The following RALGPS1 variants were observed in gnomAD, a reference collection of about 807,000 sequenced individuals.
The protein encoded by RALGPS1 is Ral GEF with PH domain and SH3 binding motif 1.
A neutral mutation model predicts 78.8 loss-of-function variants in RALGPS1; 19 were observed. The ratio of observed to expected loss-of-function variants is 0.24; its 90% CI spans 0.17 to 0.35. The LOEUF (loss-of-function observed/expected upper bound fraction) is 0.35, where lower values mean the gene tolerates loss of function less well. RALGPS1 is among the 10% of genes least tolerant of loss of function. The probability of loss-of-function intolerance (pLI) is 1.00; values close to 1 mark genes in which losing one functional copy is unlikely to be tolerated. For missense variants in RALGPS1, 454 were observed against 688.3 expected (o/e 0.66, Z 3.81); for synonymous variants, 228 against 256.3 (o/e 0.89, Z 1.06).
intron 4 of RALGPS1, among the ~76,000 whole-genome samples, chr9:127,024,173 C>G (rs189857764): frequency 1.2e-4 from 18 of 151,574 alleles, no homozygotes; most frequent in Non-Finnish European, 2.4e-4. Context: ...AGTATTTACT[C>G]AACTTCAAAA....
intron 5 of RALGPS1, among the ~76,000 whole-genome samples, chr9:127,042,178 A>T (rs1231013344): frequency 6.6e-6 from 1 of 151,946 alleles, no homozygotes; most frequent in East Asian, 1.9e-4. Context: ...GTCCATAACT[A>T]TTCTGTTTTT....
chr9:126,994,547 C>T (rs201838953), intron 4 of RALGPS1, among the ~76,000 whole-genome samples: 4 of 152,124 alleles, frequency 2.6e-5, no homozygotes, highest in African/African-American at 7.2e-5. Flanking sequence ...ACCAAATCTA[C>T]GTCTGATTGG....
In RALGPS1 at chr9:127,178,021, G is replaced by C; in HGVS notation, c.910+3239G>C. 2.6e-6 allele frequency: 4 copies of C among 1,520,186 alleles called. No individual in the cohort carries two copies. The South Asian group carries it at 4.8e-5, about 18-fold the overall frequency. 94.2% of individuals were successfully genotyped at this position (1,520,186 alleles called of 1,614,324 possible). A position where few individuals can be genotyped will look rare whatever the true frequency, so the allele number is the denominator to read the frequency against. On this transcript the variant is annotated intron_variant, in intron 11 of 18. Transcript: ENST00000259351. Reference sequence around the variant, plus strand: ...ATGAACAGAACCAATAAAGCATGGCGAGGCACCCATGGGCCGGCCCAGGGT... The same window carrying C: ...ATGAACAGAACCAATAAAGCATGGCCAGGCACCCATGGGCCGGCCCAGGGT...
chr9:127,013,363 G>A (rs2044527394), intron 4 of RALGPS1, among the ~76,000 whole-genome samples: 1 of 152,128 alleles, frequency 6.6e-6, no homozygotes, highest in Admixed American at 6.5e-5. Flanking sequence ...AGGTGCCATA[G>A]TCACAGCATG....
At chr9:126,956,141 T>C (rs2038312316) in intron 1 of RALGPS1, among the ~76,000 whole-genome samples, 1 of 152,172 alleles carries the variant, frequency 6.6e-6, no homozygotes, top group South Asian at 2.1e-4. Context: ...CTCAGGGTCC[T>C]GAGTTCCTAG....
chr9:126,977,430 C>G (rs1269847149), intron 3 of RALGPS1, among the ~76,000 whole-genome samples: 1 of 152,070 alleles, frequency 6.6e-6, no homozygotes, highest in East Asian at 1.9e-4. Flanking sequence ...CCCAGGCCCA[C>G]CCCCCAAACA....
chr9:127,136,655 G>A (rs1564645828), intron 8 of RALGPS1, among the ~76,000 whole-genome samples: 1 of 152,024 alleles, frequency 6.6e-6, no homozygotes, highest in African/African-American at 2.4e-5. Flanking sequence ...CTCAGCCCTG[G>A]CCCCCCCAGA....
chr9:126,930,946 A>C (rs923054580), intron 1 of RALGPS1, among the ~76,000 whole-genome samples: 1 of 152,248 alleles, frequency 6.6e-6, no homozygotes, highest in Non-Finnish European at 1.5e-5. Flanking sequence ...GAGCCACTTT[A>C]GGTTGTGCTA....
chr9:127,091,581 C>T lies in RALGPS1; in HGVS notation c.610+22225C>T, dbSNP rs2052480166. On this transcript the variant is annotated intron_variant, in intron 8 of 18. Coordinates refer to ENST00000259351, the MANE Select transcript of RALGPS1 (RefSeq NM_014636.3). This position sits in a 1 kb window ranked among gnomAD's most constrained non-coding sequence, Gnocchi z 4.3. ...CAGCTGCTTCTCACCCTGGGATCTT[C>T]CCGTTTCCAAGCCCTGGAGTCAGGG... is the stretch of plus-strand genomic sequence containing the variant. The T allele has an allele frequency of 2.6e-6, 4 of 1,518,020 alleles. No individual in the cohort carries two copies. Among genetic ancestry groups the T allele is most frequent in the Non-Finnish European group, 3.5e-6 (4 of 1,130,366 alleles). The allele number at this position is 1,518,020 out of a possible 1,614,324, so 94.0% of individuals were successfully genotyped here. A position where few individuals can be genotyped will look rare whatever the true frequency, so the allele number is the denominator to read the frequency against.
chr9:126,916,753 C>G (rs1236067761), intron 1 of RALGPS1, among the ~76,000 whole-genome samples: 1 of 152,148 alleles, frequency 6.6e-6, no homozygotes, highest in African/African-American at 2.4e-5. Context: ...TGCACTCCAC[C>G]CTGGGCGATG....
At chr9:127,176,274 A>G (rs1257656949) in intron 11 of RALGPS1, among the ~76,000 whole-genome samples, 3 of 152,106 alleles carry the variant, frequency 2.0e-5, no homozygotes, top group Non-Finnish European at 2.9e-5. Context: ...GGTGACCCCC[A>G]GCAAAGGTGG....
At chr9:127,166,708 C>T (rs2059310456) in intron 9 of RALGPS1, among the ~76,000 whole-genome samples, 1 of 152,108 alleles carries the variant, frequency 6.6e-6, no homozygotes, top group Admixed American at 6.5e-5. Context: ...GCCACTTTTG[C>T]TGACAGGGGC....
chr9:127,100,176 C>G (rs908039180), intron 8 of RALGPS1, among the ~76,000 whole-genome samples: 1 of 152,082 alleles, frequency 6.6e-6, no homozygotes, highest in African/African-American at 2.4e-5. Flanking sequence ...TGAGATCCAA[C>G]CATAAATTAA....
chr9:127,009,353 A>G (rs536029229), intron 4 of RALGPS1, among the ~76,000 whole-genome samples: 2 of 152,026 alleles, frequency 1.3e-5, no homozygotes, highest in Non-Finnish European at 2.9e-5. Context: ...CCTTTACTGT[A>G]CAGAGCAGTT....
intron 8 of RALGPS1, among the ~76,000 whole-genome samples, chr9:127,135,855 T>C (rs1005759828): frequency 5.9e-5 from 9 of 152,200 alleles, no homozygotes. Flanking sequence ...GAACTTTGAA[T>C]TGCATTTGAG....
intron 3 of RALGPS1, among the ~76,000 whole-genome samples, chr9:126,972,546 T>C (rs925040858): frequency 2.6e-5 from 4 of 152,202 alleles, no homozygotes; most frequent in African/African-American, 9.7e-5. Flanking sequence ...ATTGTGTGCC[T>C]CCTGATGAAG....
chr9:126,986,596 A>G (rs2041823747), intron 4 of RALGPS1, among the ~76,000 whole-genome samples: 1 of 152,224 alleles, frequency 6.6e-6, no homozygotes, highest in Non-Finnish European at 1.5e-5. Context: ...TATGGAGTTG[A>G]AGGCGCAGCA....
intron 14 of RALGPS1, among the ~76,000 whole-genome samples, chr9:127,210,203 G>A (rs183566863): frequency 1.3e-5 from 2 of 152,322 alleles, no homozygotes; most frequent in Admixed American, 1.3e-4. Flanking sequence ...CAGGGGCCTG[G>A]CTGGAGCCGC....
chr9:126,989,907 C>T (rs1299740048), intron 4 of RALGPS1: 16 of 1,550,240 alleles, frequency 1.0e-5, no homozygotes, highest in Non-Finnish European at 1.4e-5. Context: ...GCTGGCCTGC[C>T]AGAATGGAAG....
Sources: allele counts gnomAD v4.1 joint callset (sites outside exome capture counted in the v4.1 genomes callset), GRCh38; gene constraint gnomAD v4.1.1; non-coding constraint Gnocchi (gnomAD v3.1); transcripts MANE v1.5; gene names NCBI Gene and HGNC (gene_info 2026-07-23, HGNC 2026-07-21).